ORC4: variants seen among roughly 807,000 people sequenced by gnomAD.
The protein encoded by ORC4 is origin recognition complex subunit 4.
Under a neutral mutation model 63.9 loss-of-function variants are expected in ORC4, and 55 were observed. That is an observed-to-expected ratio of 0.86 (90% CI 0.69 to 1.08). The LOEUF (loss-of-function observed/expected upper bound fraction) is 1.08. Among genes scored for constraint, ORC4 ranks in the 50% least tolerant of loss-of-function variants. ORC4 has a pLI of 0.00. For synonymous variants in ORC4, 150 were observed against 168.5 expected (o/e 0.89, Z 0.85); for missense variants, 511 against 504.4 (o/e 1.01, Z -0.13).
At chr2:148,012,146 T>C (rs1252205714) in intron 1 of ORC4, among the ~76,000 whole-genome samples, 1 of 151,828 alleles carries the variant, frequency 6.6e-6, no homozygotes, top group African/African-American at 2.4e-5. Context: ...AAAACAATCC[T>C]GACCAAAAAG....
chr2:147,995,088 C>T (rs953790453), intron 1 of ORC4, among the ~76,000 whole-genome samples: 3 of 151,034 alleles, frequency 2.0e-5, no homozygotes, highest in East Asian at 2.0e-4. Context: ...TCTATAAAAA[C>T]GCACCAATCA....
At chr2:147,995,548 G>T (rs1198359095) in intron 1 of ORC4, among the ~76,000 whole-genome samples, 2 of 152,066 alleles carry the variant, frequency 1.3e-5, no homozygotes, top group Non-Finnish European at 2.9e-5. Flanking sequence ...TCACTCTTTG[G>T]GTCCGCACTG....
chr2:148,017,604 G>T (rs1447372473), intron 1 of ORC4, among the ~76,000 whole-genome samples: 1 of 152,158 alleles, frequency 6.6e-6, no homozygotes, highest in South Asian at 2.1e-4. Context: ...CTTGGGAGGC[G>T]GAGGTTGCAG....
intron 1 of ORC4, among the ~76,000 whole-genome samples, chr2:147,992,485 TA>T (rs888812238): frequency 1.3e-5 from 2 of 152,192 alleles, no homozygotes; most frequent in Non-Finnish European, 2.9e-5. Context: ...ACTAGGGCAC[TA>T]AAATTGGTGG....
intron 9 of ORC4, among the ~76,000 whole-genome samples, chr2:147,947,319 T>C (rs939473237): frequency 2.0e-5 from 3 of 152,076 alleles, no homozygotes; most frequent in African/African-American, 7.2e-5. Flanking sequence ...AAGGGACTTA[T>C]TCATTAATGA....
rs557676973 is a variant in ORC4, at chr2:147,973,070, C to T, written c.135-241G>A. ...TCAGATTGGAATATATTGATTTATA[C>T]GATAGTAGGGGACAAGGGACAATAG... On this transcript the variant is annotated intron_variant, in intron 3 of 13. Transcript: ENST00000392857. Among the ~76,000 whole-genome samples the T allele has an allele frequency of 4.4e-4, 67 of 152,160 alleles. No individual in the cohort carries two copies. The South Asian group carries it at 0.013, about 30-fold the overall frequency.
At chr2:148,004,961 A>G (rs184596931) in intron 1 of ORC4, among the ~76,000 whole-genome samples, 315 of 152,292 alleles carry the variant, frequency 2.1e-3, no homozygotes, top group African/African-American at 7.1e-3. Flanking sequence ...GTTGGTGGGA[A>G]CATAAATTAG....
intron 1 of ORC4, among the ~76,000 whole-genome samples, chr2:147,991,110 C>T (rs1269855537): frequency 6.7e-6 from 1 of 150,238 alleles, no homozygotes; most frequent in Non-Finnish European, 1.5e-5. Context: ...TGCAGTGGCA[C>T]CATCTCAGCT....
chr2:148,008,580 TCTGCTCCACCCAACATTCCAATCAC>T (rs1282188723), intron 1 of ORC4, among the ~76,000 whole-genome samples: 2 of 152,288 alleles, frequency 1.3e-5, no homozygotes, highest in Admixed American at 1.3e-4. Flanking sequence ...ATTCTGATCA[TCTGCTCCACCCAACATTCCAATCAC>T]CTGCTCCACC....
At chr2:148,019,516 C>G (rs1693544459) in intron 1 of ORC4, among the ~76,000 whole-genome samples, 1 of 152,164 alleles carries the variant, frequency 6.6e-6, no homozygotes, top group African/African-American at 2.4e-5. Context: ...TGCTTGAACC[C>G]AGGAGACAGA....
intron 1 of ORC4, among the ~76,000 whole-genome samples, chr2:148,018,425 T>G (rs1693449878): frequency 6.6e-6 from 1 of 152,218 alleles, no homozygotes; most frequent in Admixed American, 6.5e-5. Flanking sequence ...ATACGTACTC[T>G]ACAAAAACCC....
chr2:147,966,583 T>C (rs1375522789), intron 4 of ORC4, among the ~76,000 whole-genome samples: 1 of 152,064 alleles, frequency 6.6e-6, no homozygotes. Context: ...GAACTATACA[T>C]CAATAAATTA....
chr2:147,960,055 C>T (rs754143174), intron 4 of ORC4, among the ~76,000 whole-genome samples: 11 of 151,898 alleles, frequency 7.2e-5, no homozygotes, highest in Admixed American at 5.9e-4. Flanking sequence ...TGATATTTTG[C>T]TTAATATATT....
intron 1 of ORC4, among the ~76,000 whole-genome samples, chr2:147,990,677 G>A (rs150573536): frequency 3.4e-3 from 519 of 152,238 alleles, no homozygotes; most frequent in East Asian, 8.3e-3. Context: ...ATTACTGACA[G>A]TTTTGTAAAA....
intron 1 of ORC4, among the ~76,000 whole-genome samples, chr2:147,980,480 T>TA (rs1194800372): frequency 4.0e-5 from 6 of 150,852 alleles, no homozygotes; most frequent in East Asian, 1.9e-4. Flanking sequence ...TATAAGGAAC[T>TA]AAAAAAAACA....
At position 147,980,419 on chromosome 2, in the gene ORC4, A is replaced by G. The variant is rs146740749; in HGVS notation, c.-17-4444T>C. 1.0e-3 allele frequency among the ~76,000 whole-genome samples: 156 copies of G among 152,224 alleles called. 1 individual carries two copies. Among genetic ancestry groups the G allele is most frequent in the Non-Finnish European group, 1.6e-3 (107 of 67,990 alleles). ...GACTTGAGCATCTACAGATTTTGGT[A>G]TCTCAGGGGAGTCCTGGAACCAGTT... is the stretch of plus-strand genomic sequence containing the variant. On this transcript the variant is annotated intron_variant, in intron 1 of 13. Coordinates refer to ENST00000392857, the MANE Select transcript of ORC4 (RefSeq NM_181741.4).
chr2:148,006,004 A>T (rs886227462), intron 1 of ORC4, among the ~76,000 whole-genome samples: 4 of 152,068 alleles, frequency 2.6e-5, no homozygotes, highest in African/African-American at 9.7e-5. Flanking sequence ...ACACACTAAC[A>T]AACAAACAAA....
chr2:148,005,237 T>A (rs1692554780), intron 1 of ORC4, among the ~76,000 whole-genome samples: 1 of 152,104 alleles, frequency 6.6e-6, no homozygotes, highest in Non-Finnish European at 1.5e-5. Context: ...TAAAAAAGGA[T>A]GAGTTCATGT....
At chr2:147,985,907 C>T (rs1691174920) in intron 1 of ORC4, among the ~76,000 whole-genome samples, 1 of 152,040 alleles carries the variant, frequency 6.6e-6, no homozygotes, top group Non-Finnish European at 1.5e-5. Flanking sequence ...GTTGGTTAGT[C>T]TCAACTGGCA....
Sources: gnomAD v4.1 joint callset for allele counts (sites outside exome capture counted in the v4.1 genomes callset) on GRCh38, gnomAD v4.1.1 for gene constraint, MANE v1.5 for transcripts, NCBI Gene and HGNC (gene_info 2026-07-23, HGNC 2026-07-21) for gene names.